ARHGEF37: variants seen among roughly 807,000 people sequenced by gnomAD.
ARHGEF37 encodes Rho guanine nucleotide exchange factor (GEF) 37.
Under a neutral mutation model 71.1 loss-of-function variants are expected in ARHGEF37, and 55 were observed. That is an observed-to-expected ratio of 0.77 (90% CI 0.62 to 0.97). The LOEUF (loss-of-function observed/expected upper bound fraction) is 0.97. Ranked by LOEUF, ARHGEF37 falls within the 50% of genes least tolerant of loss-of-function variation. The pLI, the probability that ARHGEF37 is intolerant of heterozygous loss-of-function variation, is 0.00. For missense variants in ARHGEF37, 765 were observed against 836.8 expected (o/e 0.91, Z 1.06); for synonymous variants, 327 against 350.6 (o/e 0.93, Z 0.75).
intron 1 of ARHGEF37, among the ~76,000 whole-genome samples, chr5:149,582,314 A>G (rs1258477126): frequency 6.6e-6 from 1 of 152,236 alleles, no homozygotes; most frequent in Non-Finnish European, 1.5e-5. Flanking sequence ...TTCCTGCTGT[A>G]AGGAATGCCT....
chr5:149,556,452 A>G (rs755038265), intron 1 of ARHGEF37, among the ~76,000 whole-genome samples: 6 of 151,788 alleles, frequency 4.0e-5, no homozygotes, highest in Admixed American at 2.0e-4. Flanking sequence ...CAATGGTGCA[A>G]TTTTGCCTCA....
At chr5:149,623,311 G>A (rs1230819496) in intron 9 of ARHGEF37, among the ~76,000 whole-genome samples, 1 of 152,162 alleles carries the variant, frequency 6.6e-6, no homozygotes, top group Non-Finnish European at 1.5e-5. Context: ...ATCCATGAAT[G>A]TGTTTCTCCT....
chr5:149,608,540 T>G (rs1763981160), intron 3 of ARHGEF37, among the ~76,000 whole-genome samples: 1 of 151,746 alleles, frequency 6.6e-6, no homozygotes, highest in Non-Finnish European at 1.5e-5. Context: ...ACCCGGCTAA[T>G]TTTTGTATTT....
chr5:149,557,242 G>A (rs948299374), intron 1 of ARHGEF37, among the ~76,000 whole-genome samples: 6 of 152,188 alleles, frequency 3.9e-5, no homozygotes, highest in South Asian at 2.1e-4. Context: ...CATTACGCCC[G>A]AGACCCAGGA....
chr5:149,610,488 G>A (rs1295138787), intron 4 of ARHGEF37, among the ~76,000 whole-genome samples: 1 of 152,132 alleles, frequency 6.6e-6, no homozygotes, highest in Non-Finnish European at 1.5e-5. Context: ...AATTTTTACA[G>A]TAAAAAATAT....
chr5:149,567,771 C>T (rs188688286), intron 1 of ARHGEF37, among the ~76,000 whole-genome samples: 3 of 152,230 alleles, frequency 2.0e-5, no homozygotes, highest in South Asian at 2.1e-4. Flanking sequence ...ACTTTCTTTT[C>T]GGCATAAATT....
At chr5:149,579,379 T>C (rs190023955), upstream of ARHGEF37, among the ~76,000 whole-genome samples, 285 of 152,284 alleles carry the variant, frequency 1.9e-3, 1 homozygote, top group South Asian at 0.021. Flanking sequence ...ACAAGCCACT[T>C]AGCCACTCTA....
upstream of ARHGEF37, among the ~76,000 whole-genome samples, chr5:149,579,748 A>G (rs916056425): frequency 6.6e-6 from 1 of 151,646 alleles, no homozygotes; most frequent in African/African-American, 2.4e-5. Context: ...TGCCCAGCTA[A>G]TTTTTGTATT....
chr5:149,588,332 T>C (rs916536762), intron 1 of ARHGEF37, among the ~76,000 whole-genome samples: 4 of 152,022 alleles, frequency 2.6e-5, no homozygotes, highest in Non-Finnish European at 5.9e-5. Flanking sequence ...GTGCCTGCAC[T>C]CCATGCCAGG....
intron 6 of ARHGEF37, 87 bp from the exon 7 acceptor site, chr5:149,618,851 G>A (rs963148200): frequency 1.8e-6 from 2 of 1,087,188 alleles, no homozygotes; most frequent in South Asian, 1.3e-5. Context: ...CTGTGGAAAG[G>A]TTGTCCCAGT....
intron 10 of ARHGEF37, among the ~76,000 whole-genome samples, chr5:149,624,766 A>G (rs1410734050): frequency 6.6e-6 from 1 of 152,228 alleles, no homozygotes; most frequent in Non-Finnish European, 1.5e-5. Flanking sequence ...CAGCTTCAAC[A>G]TGAGCATTCA....
chr5:149,598,263 CTCTTCTTCTTCTTCTTCTTCTTCT>C (rs70973531), intron 2 of ARHGEF37, among the ~76,000 whole-genome samples: 19 of 67,754 alleles, frequency 2.8e-4, no homozygotes, highest in African/African-American at 1.1e-3. Flanking sequence ...CTTAAACTGA[CTCTTCTTCTTCTTCTTCTTCTTCT>C]TCTTCTTCTT....
intron 4 of ARHGEF37, among the ~76,000 whole-genome samples, chr5:149,614,038 A>T (rs538857423): frequency 5.4e-4 from 82 of 152,214 alleles, no homozygotes; most frequent in African/African-American, 2.0e-3. Flanking sequence ...GGCTAGGATT[A>T]CAAGCATGAG....
In ARHGEF37 at chr5:149,632,017, C is replaced by T; in HGVS notation, c.1854C>T (p.Ser618=). Residue 618 remains serine, a synonymous_variant, in exon 13 of 13, where the codon AGC becomes AGT. Transcript: ENST00000333677. ...IAAYPFVARS[S]HEVSLQAGQP... is the part of the protein sequence containing the mutation. ...CGTACCCTTTTGTGGCCAGAAGCAG[C>T]CATGAAGTGAGCCTGCAGGCAGGCC... 4 of 1,614,248 alleles carry T rather than the reference C, an allele frequency of 2.5e-6. No homozygotes were observed. The highest frequency in any genetic ancestry group is 3.4e-6 in the Non-Finnish European group (4 of 1,180,046).
At chr5:149,587,542 A>C (rs1443866091) in intron 1 of ARHGEF37, among the ~76,000 whole-genome samples, 2 of 152,228 alleles carry the variant, frequency 1.3e-5, no homozygotes, top group East Asian at 3.8e-4. Context: ...TCAGCATTTG[A>C]AATGACATTT....
intron 4 of ARHGEF37, among the ~76,000 whole-genome samples, chr5:149,612,459 G>A (rs775964566): frequency 9.2e-5 from 14 of 152,262 alleles, no homozygotes; most frequent in East Asian, 5.8e-4. Context: ...GAGCCATGGC[G>A]CCTGGCCTAA....
At chr5:149,598,614 A>G (rs747069041) in intron 2 of ARHGEF37, among the ~76,000 whole-genome samples, 6 of 151,460 alleles carry the variant, frequency 4.0e-5, no homozygotes, top group Admixed American at 1.3e-4. Flanking sequence ...AAAGTCAGGA[A>G]ATGCATTTGC....
At chr5:149,570,419 A>T (rs917653999) in intron 1 of ARHGEF37, among the ~76,000 whole-genome samples, 20 of 151,504 alleles carry the variant, frequency 1.3e-4, no homozygotes. Flanking sequence ...ACTAAAAAAA[A>T]TACAAAATTA....
intron 8 of ARHGEF37, 47 bp from the exon 9 acceptor site, chr5:149,621,686 C>T (rs1727689240): frequency 6.4e-7 from 1 of 1,552,770 alleles, no homozygotes; most frequent in Admixed American, 1.8e-5. Flanking sequence ...CAGCCCCTGC[C>T]CTTTGCCACC....
Sources: allele counts gnomAD v4.1 joint callset (sites outside exome capture counted in the v4.1 genomes callset), GRCh38; gene constraint gnomAD v4.1.1; transcripts MANE v1.5; gene names NCBI Gene and HGNC (gene_info 2026-07-23, HGNC 2026-07-21).